CARMIL1: variants seen among roughly 807,000 people sequenced by gnomAD.
CARMIL1 encodes F-actin-uncapping protein LRRC16A.
A neutral mutation model predicts 177.1 loss-of-function variants in CARMIL1; 90 were observed. That is an observed-to-expected ratio of 0.51 (90% confidence interval 0.43 to 0.61). The LOEUF (loss-of-function observed/expected upper bound fraction) is 0.61, where lower values mean the gene tolerates loss of function less well. CARMIL1 is among the 20% of genes least tolerant of loss of function. CARMIL1 has a pLI of 0.00. For synonymous variants in CARMIL1, 577 were observed against 606.2 expected (o/e 0.95, Z 0.71); for missense variants, 1,380 against 1,667.0 (o/e 0.83, Z 3.00).
chr6:25,610,002 G>T, intron 35 of CARMIL1, 48 bp from the exon 36 acceptor site: 2 of 1,546,406 alleles, frequency 1.3e-6, no homozygotes, highest in South Asian at 1.3e-5. Context: ...TATGTTCTTG[G>T]AATCCAGTTT....
At chr6:25,443,174 T>C (rs1307437874) in intron 5 of CARMIL1, among the ~76,000 whole-genome samples, 1 of 152,178 alleles carries the variant, frequency 6.6e-6, no homozygotes, top group Non-Finnish European at 1.5e-5. Context: ...GTTTACCTAA[T>C]TGAGTTGAAT....
intron 26 of CARMIL1, among the ~76,000 whole-genome samples, chr6:25,545,147 T>A (rs1809328225): frequency 1.3e-5 from 2 of 152,144 alleles, no homozygotes; most frequent in Admixed American, 1.3e-4. Flanking sequence ...CCTAGTATAA[T>A]CACTGAAACA....
chr6:25,410,076 A>ACCCCC (rs371418369), intron 2 of CARMIL1, among the ~76,000 whole-genome samples: 22 of 139,892 alleles, frequency 1.6e-4, no homozygotes, highest in African/African-American at 3.7e-4. Flanking sequence ...ATCTAAATCA[A>ACCCCC]CCCCCCCCGC....
intron 16 of CARMIL1, among the ~76,000 whole-genome samples, chr6:25,497,438 G>A (rs902126250): frequency 3.9e-5 from 6 of 152,114 alleles, no homozygotes; most frequent in Non-Finnish European, 8.8e-5. Context: ...ATGGAGATTC[G>A]CAAGTAGGAT....
intron 2 of CARMIL1, chr6:25,388,260 G>A (rs1421501471): frequency 1.3e-5 from 2 of 152,164 alleles, no homozygotes; most frequent in African/African-American, 4.8e-5. Context: ...TTTTGGTGAT[G>A]TCTGCCTTAG....
chr6:25,541,084 G>T (rs1234128257), intron 26 of CARMIL1, among the ~76,000 whole-genome samples: 1 of 152,088 alleles, frequency 6.6e-6, no homozygotes, highest in South Asian at 2.1e-4. Context: ...AATAGCACTT[G>T]TTTTATCCTG....
intron 23 of CARMIL1, among the ~76,000 whole-genome samples, chr6:25,523,471 G>A (rs1806777984): frequency 6.6e-6 from 1 of 152,130 alleles, no homozygotes; most frequent in African/African-American, 2.4e-5. Context: ...TTTGCCTAAG[G>A]TGACCATGAG....
intron 2 of CARMIL1, among the ~76,000 whole-genome samples, chr6:25,296,924 T>TCTATCTATCTAA (rs377456616): frequency 0.016 from 1,051 of 64,440 alleles, 7 homozygotes; most frequent in Non-Finnish European, 0.02. Flanking sequence ...TATCTATCTA[T>TCTATCTATCTAA]CTATCTATCT....
chr6:25,428,257 C>A (rs1213044978), intron 4 of CARMIL1, among the ~76,000 whole-genome samples: 2 of 151,724 alleles, frequency 1.3e-5, no homozygotes, highest in African/African-American at 4.8e-5. Flanking sequence ...GTATTATATT[C>A]ACTTGTTCCA....
chr6:25,438,836 GAT>G (rs1340288045), intron 5 of CARMIL1, among the ~76,000 whole-genome samples: 1 of 150,920 alleles, frequency 6.6e-6, no homozygotes, highest in Non-Finnish European at 1.5e-5. Flanking sequence ...TAAATCTTTA[GAT>G]AGTTTATGAA....
chr6:25,328,061 C>T (rs759293387), intron 2 of CARMIL1, among the ~76,000 whole-genome samples: 1 of 152,108 alleles, frequency 6.6e-6, no homozygotes, highest in Non-Finnish European at 1.5e-5. Flanking sequence ...ATTTAATTCC[C>T]ACTCTGACGT....
chr6:25,316,537 A>T (rs1784291030), intron 2 of CARMIL1, among the ~76,000 whole-genome samples: 1 of 150,350 alleles, frequency 6.7e-6, no homozygotes, highest in South Asian at 2.1e-4. Context: ...TCAGCCTCCC[A>T]AGTAGCTGGA....
intron 2 of CARMIL1, among the ~76,000 whole-genome samples, chr6:25,316,730 T>A (rs913928835): frequency 2.3e-4 from 35 of 152,084 alleles, no homozygotes; most frequent in Non-Finnish European, 4.1e-4. Context: ...TAATTTTTTT[T>A]AAAGACTAGT....
intron 26 of CARMIL1, among the ~76,000 whole-genome samples, chr6:25,544,932 C>A (rs1809301027): frequency 6.6e-6 from 1 of 152,100 alleles, no homozygotes; most frequent in Non-Finnish European, 1.5e-5. Flanking sequence ...CAATGTGTTA[C>A]ACATTAACCA....
intron 11 of CARMIL1, among the ~76,000 whole-genome samples, chr6:25,476,467 C>T (rs1801587472): frequency 2.0e-5 from 3 of 152,192 alleles, no homozygotes; most frequent in Admixed American, 2.0e-4. Flanking sequence ...CAGGCAACTG[C>T]CAACATTCAT....
rs1424476436 is a variant in CARMIL1, at chr6:25,558,427, T to G, written c.2742+1577T>G. 1.3e-5 allele frequency among the ~76,000 whole-genome samples: 2 copies of G among 152,228 alleles called. No individual in the cohort carries two copies. Among genetic ancestry groups the G allele is most frequent in the Non-Finnish European group, 2.9e-5 (2 of 68,038 alleles). On this transcript the variant is annotated intron_variant, in intron 29 of 36. Transcript: ENST00000329474. This position sits in a 1 kb window ranked among gnomAD's most constrained non-coding sequence, Gnocchi z 4.1. ...AAACTGTGTAAACTTTGTTTGGAAG[T>G]AAGTTTTTTTGTTTGTTTAATTTGG...
chr6:25,316,301 G>T (rs1189744137), intron 2 of CARMIL1, among the ~76,000 whole-genome samples: 1 of 152,118 alleles, frequency 6.6e-6, no homozygotes, highest in African/African-American at 2.4e-5. Context: ...TTTTGCGTTT[G>T]TCTAGAAACA....
chr6:25,315,216 C>A (rs1335095242), intron 2 of CARMIL1, among the ~76,000 whole-genome samples: 1 of 152,178 alleles, frequency 6.6e-6, no homozygotes, highest in Non-Finnish European at 1.5e-5. Context: ...GTGCTCATTT[C>A]CATTGCATTA....
chr6:25,585,514 A>G (rs965735353), intron 31 of CARMIL1, among the ~76,000 whole-genome samples: 6 of 152,172 alleles, frequency 3.9e-5, no homozygotes, highest in Non-Finnish European at 1.5e-5. Flanking sequence ...ATATTTATGT[A>G]ATATGAAGAG....
Sources: allele counts gnomAD v4.1 joint callset (sites outside exome capture counted in the v4.1 genomes callset), GRCh38; gene constraint gnomAD v4.1.1; non-coding constraint Gnocchi (gnomAD v3.1); transcripts MANE v1.5; gene names NCBI Gene and HGNC (gene_info 2026-07-23, HGNC 2026-07-21).